Variants in STPG2 observed in about 807,000 individuals in gnomAD.
STPG2 encodes the protein sperm-tail PG-rich repeat-containing protein 2.
STPG2 carries 56 observed loss-of-function variants against 54.2 expected under a neutral mutation model. That is an observed-to-expected ratio of 1.03 (90% CI 0.83 to 1.29). The LOEUF is 1.29. Among genes scored for constraint, STPG2 ranks in the 50% most tolerant of loss-of-function variants. The pLI is 0.00. For missense variants in STPG2, 596 were observed against 544.9 expected (o/e 1.09, Z -0.93); for synonymous variants, 200 against 181.8 (o/e 1.10, Z -0.81).
intron 5 of STPG2, among the ~76,000 whole-genome samples, chr4:98,051,779 T>C (rs1284077013): frequency 6.6e-6 from 1 of 151,956 alleles, no homozygotes; most frequent in African/African-American, 2.4e-5. Context: ...GAGAGCATCA[T>C]AGAGGAACAA....
At chr4:97,687,316 G>C (rs1018997093) in intron 10 of STPG2, among the ~76,000 whole-genome samples, 1 of 118,480 alleles carries the variant, frequency 8.4e-6, no homozygotes, top group Admixed American at 9.4e-5. Flanking sequence ...TGTATGCACT[G>C]AATCTTTTTT....
chr4:97,515,980 T>G (rs966407553), intron 4 of STPG2, among the ~76,000 whole-genome samples: 16 of 152,116 alleles, frequency 1.1e-4, no homozygotes, highest in Non-Finnish European at 4.4e-5. Context: ...TTTTTAACAC[T>G]TAATGCAAAC....
chr4:98,019,201 T>G (rs555125830), intron 5 of STPG2, among the ~76,000 whole-genome samples: 31 of 152,264 alleles, frequency 2.0e-4, no homozygotes, highest in African/African-American at 7.5e-4. Flanking sequence ...TTGTATAAGG[T>G]GTAAGGAAGG....
intron 8 of STPG2, among the ~76,000 whole-genome samples, chr4:97,900,197 C>G (rs1731123677): frequency 6.6e-6 from 1 of 151,878 alleles, no homozygotes; most frequent in Non-Finnish European, 1.5e-5. Flanking sequence ...AATAATTATA[C>G]AAATGCAAAT....
intron 10 of STPG2, among the ~76,000 whole-genome samples, chr4:97,628,310 A>T (rs748119041): frequency 6.6e-6 from 1 of 152,100 alleles, no homozygotes; most frequent in African/African-American, 2.4e-5. Context: ...TAATAAATTG[A>T]TTGCATGAGT....
chr4:97,551,444 T>C (rs138805914), intron 4 of STPG2, among the ~76,000 whole-genome samples: 1 of 152,350 alleles, frequency 6.6e-6, no homozygotes, highest in African/African-American at 2.4e-5. Context: ...CAAAGCTCTA[T>C]CTATATGAAA....
intron 9 of STPG2, among the ~76,000 whole-genome samples, chr4:97,779,725 C>T (rs1185884189): frequency 1.3e-5 from 2 of 152,244 alleles, no homozygotes; most frequent in African/African-American, 2.4e-5. Flanking sequence ...AGACTAACAG[C>T]GGATAACTCA....
chr4:98,023,232 A>G (rs1047201698), intron 5 of STPG2, among the ~76,000 whole-genome samples: 1 of 152,146 alleles, frequency 6.6e-6, no homozygotes, highest in African/African-American at 2.4e-5. Flanking sequence ...TTTTCCTTCT[A>G]ACAGACAGGA....
chr4:97,919,213 G>A (rs112807538), intron 8 of STPG2, among the ~76,000 whole-genome samples: 5 of 151,806 alleles, frequency 3.3e-5, no homozygotes, highest in Admixed American at 1.3e-4. Flanking sequence ...TAAGGAAAGC[G>A]ATTTCTGCTT....
chr4:97,776,120 G>T (rs2149066421), intron 9 of STPG2, among the ~76,000 whole-genome samples: 1 of 152,092 alleles, frequency 6.6e-6, no homozygotes, highest in Non-Finnish European at 1.5e-5. Flanking sequence ...TTTGAATGCT[G>T]TTTGTATTTC....
At chr4:97,636,519 C>CA (rs1005009897) in intron 10 of STPG2, among the ~76,000 whole-genome samples, 5 of 147,280 alleles carry the variant, frequency 3.4e-5, no homozygotes, top group African/African-American at 2.6e-5. Flanking sequence ...AATAGAGACA[C>CA]AAAAAACCCT....
intron 9 of STPG2, among the ~76,000 whole-genome samples, chr4:97,795,160 C>T (rs1727124477): frequency 6.6e-6 from 1 of 151,978 alleles, no homozygotes; most frequent in Non-Finnish European, 1.5e-5. Context: ...CTTCCTTGCT[C>T]CAAAACACAT....
At chr4:97,832,252 G>A (rs1486467531) in intron 9 of STPG2, among the ~76,000 whole-genome samples, 2 of 152,072 alleles carry the variant, frequency 1.3e-5, no homozygotes, top group Non-Finnish European at 2.9e-5. Flanking sequence ...CACATAAACA[G>A]AGCCAATGAC....
intron 4 of STPG2, among the ~76,000 whole-genome samples, chr4:97,443,762 A>G (rs1729149423): frequency 6.6e-6 from 1 of 152,154 alleles, no homozygotes; most frequent in African/African-American, 2.4e-5. Flanking sequence ...CAAAACATCA[A>G]ATTATATCTA....
At chr4:97,756,327 G>T (rs1725730828) in intron 9 of STPG2, among the ~76,000 whole-genome samples, 1 of 151,928 alleles carries the variant, frequency 6.6e-6, no homozygotes, top group Admixed American at 6.6e-5. Context: ...GTTTTATTTT[G>T]TTTTGTTTTT....
At chr4:97,991,302 A>G (rs190679606) in intron 5 of STPG2, among the ~76,000 whole-genome samples, 3 of 151,416 alleles carry the variant, frequency 2.0e-5, no homozygotes, top group Admixed American at 6.6e-5. Flanking sequence ...ATATATACGC[A>G]CACACACACA....
At chr4:97,739,419 C>T (rs867258653) in intron 9 of STPG2, among the ~76,000 whole-genome samples, 3 of 152,042 alleles carry the variant, frequency 2.0e-5, no homozygotes, top group Non-Finnish European at 4.4e-5. Context: ...ATTAATGAAT[C>T]CAGGAGCTGG....
intron 10 of STPG2, among the ~76,000 whole-genome samples, chr4:97,614,111 A>G (rs938555557): frequency 5.9e-5 from 9 of 152,118 alleles, no homozygotes; most frequent in African/African-American, 1.9e-4. Context: ...GGGAATCAAA[A>G]GATAAAAATA....
intron 4 of STPG2, among the ~76,000 whole-genome samples, chr4:97,547,777 T>A (rs1731871316): frequency 6.6e-6 from 1 of 152,076 alleles, no homozygotes; most frequent in Non-Finnish European, 1.5e-5. Context: ...GCATTCCAAG[T>A]GATGTGTCCA....
Sources: allele counts gnomAD v4.1 joint callset (sites outside exome capture counted in the v4.1 genomes callset), GRCh38; gene constraint gnomAD v4.1.1; transcripts MANE v1.5; gene names NCBI Gene and HGNC (gene_info 2026-07-23, HGNC 2026-07-21).